The following ZNF410 variants were observed in gnomAD, a reference collection of about 807,000 sequenced individuals.
ZNF410 encodes the protein another partner for ARF 1.
Under a neutral mutation model 54.8 loss-of-function variants are expected in ZNF410, and 18 were observed. That is an observed-to-expected ratio of 0.33 (90% CI 0.23 to 0.49). The LOEUF (loss-of-function observed/expected upper bound fraction) is 0.49. Ranked by LOEUF, ZNF410 falls within the 20% of genes least tolerant of loss-of-function variation. The pLI, the probability that ZNF410 is intolerant of heterozygous loss-of-function variation, is 0.99. For synonymous variants in ZNF410, 191 were observed against 207.3 expected (o/e 0.92, Z 0.68); for missense variants, 405 against 569.6 (o/e 0.71, Z 2.94).
chr14:73,918,783 C>G (rs959478262), intron 8 of ZNF410, among the ~76,000 whole-genome samples: 2 of 144,102 alleles, frequency 1.4e-5, no homozygotes, highest in African/African-American at 5.2e-5. Flanking sequence ...ACTGCAAGCT[C>G]TGCCTCCTCG....
intron 5 of ZNF410, 94 bp downstream of exon 5, chr14:73,898,356 T>G: frequency 7.8e-7 from 1 of 1,281,192 alleles, no homozygotes; most frequent in Non-Finnish European, 1.1e-6. Context: ...TTTAAATTAT[T>G]CTATTGATGA....
intron 11 of ZNF410, among the ~76,000 whole-genome samples, chr14:73,925,892 G>T (rs1434972693): frequency 6.6e-6 from 1 of 152,100 alleles, no homozygotes; most frequent in East Asian, 1.9e-4. Flanking sequence ...AAATTAGCGG[G>T]ACGTGGTGGC....
At chr14:73,928,319 A>C (rs527654026) in intron 11 of ZNF410, among the ~76,000 whole-genome samples, 2 of 152,160 alleles carry the variant, frequency 1.3e-5, no homozygotes, top group Non-Finnish European at 2.9e-5. Flanking sequence ...GTAAGGGAGT[A>C]GAGGGCCTCT....
At chr14:73,899,197 AAG>A (rs2055368044) in intron 5 of ZNF410, among the ~76,000 whole-genome samples, 1 of 152,122 alleles carries the variant, frequency 6.6e-6, no homozygotes, top group African/African-American at 2.4e-5. Flanking sequence ...TGAAAATAAA[AAG>A]TTAAAATTTC....
At chr14:73,893,693 G>C in intron 2 of ZNF410, 104 bp from the exon 3 acceptor site, 1 of 1,291,926 alleles carries the variant, frequency 7.7e-7, no homozygotes, top group African/African-American at 1.5e-5. Flanking sequence ...TTTGAATATG[G>C]ATGAGACTAG....
intron 7 of ZNF410, chr14:73,906,255 C>T (rs1380991696): frequency 1.3e-5 from 2 of 152,014 alleles, no homozygotes; most frequent in East Asian, 1.9e-4. Context: ...CTGCCCTCCT[C>T]AGCCTCCCAA....
intron 2 of ZNF410, among the ~76,000 whole-genome samples, chr14:73,892,717 A>G (rs1272509396): frequency 1.3e-5 from 2 of 152,174 alleles, no homozygotes; most frequent in Non-Finnish European, 2.9e-5. Context: ...GAGGATTGGC[A>G]TTGCTCCTAA....
chr14:73,899,412 T>C (rs2055372415), intron 5 of ZNF410, among the ~76,000 whole-genome samples: 1 of 152,040 alleles, frequency 6.6e-6, no homozygotes, highest in South Asian at 2.1e-4. Flanking sequence ...CCAGCCAAAC[T>C]CTAAACTGTT....
At position 73,926,429 on chromosome 14, in the gene ZNF410, GTTTTGT is replaced by G. The variant is rs756658793; in HGVS notation, c.1398+2923_1398+2928del. Reference sequence around the variant, plus strand: ...TTTAAGGAACTGGGTTTTTTGTTTTGTTTTGTTTTTGTTTTTGTTTTGAGACTGAGT... The same window carrying G: ...TTTAAGGAACTGGGTTTTTTGTTTTGTTTTGTTTTTGTTTTGAGACTGAGT... On this transcript the variant is annotated intron_variant, in intron 11 of 11. Coordinates refer to ENST00000555044, the MANE Select transcript of ZNF410 (RefSeq NM_021188.3). 4.0e-5 allele frequency among the ~76,000 whole-genome samples: 6 copies of G among 150,442 alleles called. No individual in the cohort carries two copies. In the South Asian group the frequency reaches 1.0e-3, roughly 26 times the overall value.
chr14:73,892,476 A>ATGTAT (rs1187285919), intron 2 of ZNF410, among the ~76,000 whole-genome samples: 1 of 151,728 alleles, frequency 6.6e-6, no homozygotes, highest in African/African-American at 2.4e-5. Flanking sequence ...ATATATGTTT[A>ATGTAT]TGTATAAATA....
intron 2 of ZNF410, among the ~76,000 whole-genome samples, chr14:73,892,740 C>G (rs974504398): frequency 2.6e-5 from 4 of 152,104 alleles, no homozygotes; most frequent in African/African-American, 9.7e-5. Context: ...AGTCTTGTGA[C>G]CTTAGACAAG....
intron 1 of ZNF410, among the ~76,000 whole-genome samples, chr14:73,889,533 A>G (rs1263372450): frequency 1.3e-5 from 2 of 151,518 alleles, no homozygotes; most frequent in Non-Finnish European, 2.9e-5. Flanking sequence ...ACCTAGAGAG[A>G]TGTAATCACT....
intron 11 of ZNF410, among the ~76,000 whole-genome samples, chr14:73,930,567 T>C (rs1343061959): frequency 1.3e-5 from 2 of 152,186 alleles, no homozygotes; most frequent in African/African-American, 4.8e-5. Context: ...TAATAAGTTG[T>C]TTTTGTTCTG....
chr14:73,898,307 G>T, intron 5 of ZNF410, 45 bp downstream of exon 5: 1 of 1,604,252 alleles, frequency 6.2e-7, no homozygotes, highest in Non-Finnish European at 8.5e-7. Flanking sequence ...TGTGCAAAGA[G>T]ATTTTGGTAA....
At chr14:73,907,663 G>A (rs1042636549) in intron 7 of ZNF410, among the ~76,000 whole-genome samples, 4 of 152,032 alleles carry the variant, frequency 2.6e-5, no homozygotes, top group South Asian at 2.1e-4. Flanking sequence ...AGGCCGAGGC[G>A]AGTGGATCAC....
intron 8 of ZNF410, among the ~76,000 whole-genome samples, chr14:73,912,558 C>T (rs1055173632): frequency 2.0e-5 from 3 of 152,206 alleles, no homozygotes; most frequent in African/African-American, 7.2e-5. Flanking sequence ...TATTCCTTTA[C>T]TCCTTTCACA....
intron 5 of ZNF410, 195 bp from the exon 6 acceptor site, chr14:73,903,765 T>A: frequency 2.9e-6 from 2 of 681,694 alleles, no homozygotes; most frequent in Non-Finnish European, 4.7e-6. Context: ...CTTCCCAAAG[T>A]GCTTGGGATT....
chr14:73,914,701 T>C (rs2055637322), intron 8 of ZNF410: 1 of 145,586 alleles, frequency 6.9e-6, no homozygotes, highest in African/African-American at 2.6e-5. Context: ...TAATCTGGGC[T>C]CACTGCAGCC....
chr14:73,917,592 G>A (rs2055687099), intron 8 of ZNF410, among the ~76,000 whole-genome samples: 1 of 152,128 alleles, frequency 6.6e-6, no homozygotes, highest in Admixed American at 6.5e-5. Flanking sequence ...GGAGGCCGAG[G>A]TGGGTGGATC....
Sources: gnomAD v4.1 joint callset for allele counts (sites outside exome capture counted in the v4.1 genomes callset) on GRCh38, gnomAD v4.1.1 for gene constraint, MANE v1.5 for transcripts, NCBI Gene and HGNC (gene_info 2026-07-23, HGNC 2026-07-21) for gene names.